ITGB5: variants seen among roughly 807,000 people sequenced by gnomAD.
The protein encoded by ITGB5 is integrin subunit beta 5.
A neutral mutation model predicts 84.8 loss-of-function variants in ITGB5; 38 were observed. The observed-to-expected ratio is 0.45, with a 90% CI of 0.35 to 0.59. ITGB5 has a LOEUF of 0.59. ITGB5 is among the 20% of genes least tolerant of loss of function. The pLI is 0.01. For synonymous variants in ITGB5, 393 were observed against 414.4 expected (o/e 0.95, Z 0.63); for missense variants, 905 against 1,034.5 (o/e 0.87, Z 1.72).
intron 5 of ITGB5, among the ~76,000 whole-genome samples, chr3:124,827,185 A>C (rs1260267024): frequency 1.3e-5 from 2 of 152,222 alleles, no homozygotes; most frequent in Non-Finnish European, 2.9e-5. Context: ...GCTTTGGAAC[A>C]GATTCTGAGG....
chr3:124,776,199 G>A (rs1235841318), intron 10 of ITGB5, among the ~76,000 whole-genome samples: 1 of 152,212 alleles, frequency 6.6e-6, no homozygotes, highest in Admixed American at 6.5e-5. Flanking sequence ...GCAATGGGCA[G>A]CATGAGCTCA....
chr3:124,866,660 G>A (rs910953852), intron 2 of ITGB5, among the ~76,000 whole-genome samples: 2 of 152,178 alleles, frequency 1.3e-5, no homozygotes, highest in South Asian at 2.1e-4. Flanking sequence ...GGACACAGGC[G>A]GGGAGCTGGC....
intron 2 of ITGB5, among the ~76,000 whole-genome samples, chr3:124,864,244 C>T (rs1031120869): frequency 7.9e-5 from 12 of 151,154 alleles, no homozygotes; most frequent in African/African-American, 2.9e-4. Flanking sequence ...GTAGCTGGGA[C>T]TACAGGTGCC....
At chr3:124,792,768 T>C (rs2064166911) in intron 10 of ITGB5, 1 of 151,962 alleles carries the variant, frequency 6.6e-6, no homozygotes, top group Non-Finnish European at 1.5e-5. Context: ...TTGTATGGGG[T>C]GAAGGGAAGA....
At chr3:124,821,290 G>T (rs756947983) in intron 6 of ITGB5, 23 bp downstream of exon 6, 1 of 1,600,516 alleles carries the variant, frequency 6.2e-7, no homozygotes, top group African/African-American at 1.3e-5. Flanking sequence ...ACAGGGAGGG[G>T]GGATCTGGTT....
intron 5 of ITGB5, among the ~76,000 whole-genome samples, chr3:124,835,535 G>A (rs1050258980): frequency 6.6e-6 from 1 of 152,240 alleles, no homozygotes; most frequent in African/African-American, 2.4e-5. Flanking sequence ...GCAGCCTGGC[G>A]CTGGATCAAG....
chr3:124,762,278 C>CA lies in ITGB5; in HGVS notation c.*1344dup. 6.6e-6 allele frequency: 1 copy of CA among 152,198 alleles called. No homozygotes were observed. Among genetic ancestry groups the CA allele is most frequent in the East Asian group, 1.9e-4 (1 of 5,184 alleles). The allele number at this position is 152,198 out of a possible 1,614,324, so 9.4% of individuals were successfully genotyped here. A position where few individuals can be genotyped will look rare whatever the true frequency, so the allele number is the denominator to read the frequency against. On this transcript the variant is annotated 3_prime_UTR_variant, in exon 15 of 15. Transcript: ENST00000296181. ...AATAACCTTGAAGTTATTCCAGTGA[C>CA]AAAAAATGATCAGTGAAAGATTTTC...
chr3:124,836,370 T>C (rs1432739837), intron 5 of ITGB5, among the ~76,000 whole-genome samples: 1 of 150,774 alleles, frequency 6.6e-6, no homozygotes, highest in Non-Finnish European at 1.5e-5. Flanking sequence ...ACAAAAAAAT[T>C]AGCTGGGCAA....
In ITGB5 at chr3:124,779,815, G is replaced by A. The variant is rs566536393; in HGVS notation, c.1694-5903C>T. The stretch of plus-strand genomic sequence containing the variant: ...CATCACTGCCTTATCATGGCGGGGT[G>A]TGGGGGGAGCTTGGCACAGGTCTTT... On this transcript the variant is annotated intron_variant, in intron 10 of 14. Coordinates refer to ENST00000296181, the MANE Select transcript of ITGB5 (RefSeq NM_002213.5). Among the ~76,000 whole-genome samples, 3 of 152,314 alleles carry A rather than the reference G, an allele frequency of 2.0e-5. No homozygotes were observed. In the East Asian group the frequency reaches 5.8e-4, roughly 29 times the overall value.
chr3:124,899,086 GAAAAGAAAA>G (rs1190913648), intron 1 of ITGB5, among the ~76,000 whole-genome samples: 1 of 104,102 alleles, frequency 9.6e-6, no homozygotes, highest in East Asian at 2.5e-4. Context: ...AAAAAAAAAA[GAAAAGAAAA>G]AAAAGAAAAG....
At chr3:124,828,015 C>G (rs961023108) in intron 5 of ITGB5, among the ~76,000 whole-genome samples, 1 of 151,634 alleles carries the variant, frequency 6.6e-6, no homozygotes, top group Non-Finnish European at 1.5e-5. Flanking sequence ...CCTTCGCTGA[C>G]TCTCTTTTCA....
intron 4 of ITGB5, among the ~76,000 whole-genome samples, chr3:124,844,302 G>A (rs1262947034): frequency 6.6e-6 from 1 of 151,746 alleles, no homozygotes; most frequent in African/African-American, 2.4e-5. Context: ...GCTCACGCCT[G>A]TAATCTCAGC....
At chr3:124,895,295 T>C (rs966041255) in intron 1 of ITGB5, among the ~76,000 whole-genome samples, 3 of 152,200 alleles carry the variant, frequency 2.0e-5, no homozygotes, top group Non-Finnish European at 2.9e-5. Context: ...GGCACCATCA[T>C]AGCTCACTAC....
At chr3:124,880,145 T>TA (rs1257190370) in intron 1 of ITGB5, among the ~76,000 whole-genome samples, 5 of 152,020 alleles carry the variant, frequency 3.3e-5, no homozygotes, top group African/African-American at 4.8e-5. Flanking sequence ...GTCAAGGTCA[T>TA]AAAAAACAAG....
chr3:124,811,838 A>G lies in ITGB5; in HGVS notation c.1129-2682T>C, dbSNP rs919013586. On this transcript the variant is annotated intron_variant, in intron 8 of 14. Transcript: ENST00000296181. ...GGAAGCTGGAGGTCAGGGCAAGGAA[A>G]AGGTGGCCTGGGACCACTCTGCTGC... Among the ~76,000 whole-genome samples, 3 of 152,132 alleles carry G rather than the reference A, an allele frequency of 2.0e-5. No individual in the cohort carries two copies. The South Asian group carries it at 6.2e-4, about 31-fold the overall frequency.
At chr3:124,823,772 G>C (rs1479344462) in intron 5 of ITGB5, among the ~76,000 whole-genome samples, 1 of 151,900 alleles carries the variant, frequency 6.6e-6, no homozygotes. Flanking sequence ...CAGATGCTTG[G>C]GAAATAAAAT....
chr3:124,827,090 TG>T (rs1315226999), intron 5 of ITGB5, among the ~76,000 whole-genome samples: 1 of 151,992 alleles, frequency 6.6e-6, no homozygotes, highest in Non-Finnish European at 1.5e-5. Flanking sequence ...AGTGGGAAAG[TG>T]GATTGAAACA....
intron 1 of ITGB5, among the ~76,000 whole-genome samples, chr3:124,883,359 A>T (rs893628425): frequency 1.3e-5 from 2 of 152,174 alleles, no homozygotes; most frequent in African/African-American, 4.8e-5. Context: ...AATTAGAGCT[A>T]ATTAGACCCT....
Position 124,773,568 on chromosome 3 carries a change from C to T in ITGB5, c.1916+122G>A, listed in dbSNP as rs2063879164. ...GTAAGAATGCGGCTCCCCAGCGAGGCTTGCTGGGTGGGAGATGCAGGAGGT... is the reference window on the plus strand; with the variant it reads ...GTAAGAATGCGGCTCCCCAGCGAGGTTTGCTGGGTGGGAGATGCAGGAGGT... On this transcript the variant is annotated intron_variant, in intron 11 of 14. Transcript: ENST00000296181. 8.6e-6 allele frequency: 7 copies of T among 809,664 alleles called. No individual in the cohort carries two copies. In the Admixed American group the frequency reaches 1.2e-4, roughly 14 times the overall value. The allele number at this position is 809,664 out of a possible 1,614,324, so 50.2% of individuals were successfully genotyped here. A position where few individuals can be genotyped will look rare whatever the true frequency, so the allele number is the denominator to read the frequency against.
Sources: gnomAD v4.1 joint callset for allele counts (sites outside exome capture counted in the v4.1 genomes callset) on GRCh38, gnomAD v4.1.1 for gene constraint, MANE v1.5 for transcripts, NCBI Gene and HGNC (gene_info 2026-07-23, HGNC 2026-07-21) for gene names.